Variants in SQLE observed in about 807,000 individuals in gnomAD.
SQLE encodes squalene monooxygenase.
Under a neutral mutation model 60.7 loss-of-function variants are expected in SQLE, and 29 were observed. That is an observed-to-expected ratio of 0.48 (90% CI 0.36 to 0.65). SQLE has a LOEUF of 0.65. Ranked by LOEUF, SQLE falls within the 30% of genes least tolerant of loss-of-function variation. The pLI is 0.00. For missense variants in SQLE, 605 were observed against 684.1 expected (o/e 0.88, Z 1.29); for synonymous variants, 237 against 246.8 (o/e 0.96, Z 0.37).
intron 7 of SQLE, among the ~76,000 whole-genome samples, chr8:125,012,691 G>T (rs1013070991): frequency 6.6e-6 from 1 of 152,106 alleles, no homozygotes; most frequent in Non-Finnish European, 1.5e-5. Context: ...CTACTTTTTG[G>T]TTATTACAAG....
At chr8:124,999,974 A>T (rs1476546171) in intron 1 of SQLE, 1 of 601,176 alleles carries the variant, frequency 1.7e-6, no homozygotes, top group Admixed American at 2.1e-5. Context: ...TTTCATTTTG[A>T]AGGAGAAGAA....
intron 3 of SQLE, among the ~76,000 whole-genome samples, 197 bp from the exon 4 acceptor site, chr8:125,007,184 TTAATGATTAC>T (rs1014376092): frequency 1.1e-4 from 16 of 152,274 alleles, no homozygotes; most frequent in East Asian, 1.9e-4. Flanking sequence ...TTTAAAATAT[TTAATGATTAC>T]TAATGATTAC....
chr8:125,019,582 A>G (rs557076176), intron 9 of SQLE, among the ~76,000 whole-genome samples: 1 of 152,302 alleles, frequency 6.6e-6, no homozygotes, highest in African/African-American at 2.4e-5. Flanking sequence ...TAAAACAAAC[A>G]AACAAAAAAT....
chr8:125,010,728 A>G (rs867789266), intron 6 of SQLE, among the ~76,000 whole-genome samples: 18 of 152,088 alleles, frequency 1.2e-4, no homozygotes, highest in Admixed American at 2.6e-4. Context: ...CCATTACCTG[A>G]TATTTTTAGC....
chr8:125,003,266 A>G lies in SQLE; in HGVS notation c.382A>G (p.Ile128Val). The G allele has an allele frequency of 6.2e-7, 1 of 1,613,982 alleles. No homozygotes were observed. Among genetic ancestry groups the G allele is most frequent in the Non-Finnish European group, 8.5e-7 (1 of 1,179,892 alleles). The change falls in exon 2 of 11, where the codon ATC (isoleucine) becomes GTC (valine). Residue 128 changes from isoleucine to valine, a missense_variant. By Grantham distance (29) the Ile-to-Val change is conservative. Coordinates refer to ENST00000265896, the MANE Select transcript of SQLE (RefSeq NM_003129.4). ...TSSQNDPEVIIVGAGVLGSAL... is the reference protein window; with the variant it reads ...TSSQNDPEVIVVGAGVLGSAL... ...TTCTCAGAATGACCCAGAAGTTATC[A>G]TCGTGGGAGCTGGCGTGCTTGGCTC...
intron 1 of SQLE, 70 bp downstream of exon 1, chr8:124,999,764 G>T: frequency 2.0e-6 from 3 of 1,478,148 alleles, no homozygotes; most frequent in Non-Finnish European, 2.7e-6. Flanking sequence ...TCAAATATAA[G>T]TTTTATTTGA....
At position 125,011,540 on chromosome 8, in the gene SQLE, A is replaced by G. The variant is rs368547177; in HGVS notation, c.1112A>G (p.His371Arg). Residue 371 changes from histidine to arginine, a missense_variant, in exon 7 of 11, where the codon CAC becomes CGC. Transcript: ENST00000265896. ...VEKIYPQIPD[H>R]LKEPFLEATD... ...GGGTTGGTGGGATTTATTGCAGATC[A>G]CCTGAAAGAACCATTCTTAGAAGCC... 3 of 1,576,074 alleles carry G rather than the reference A, an allele frequency of 1.9e-6. No individual in the cohort carries two copies. The African/African-American group carries it at 4.0e-5, about 21-fold the overall frequency.
intron 7 of SQLE, among the ~76,000 whole-genome samples, chr8:125,012,727 C>T (rs1002329500): frequency 6.6e-5 from 10 of 152,116 alleles, no homozygotes; most frequent in Non-Finnish European, 1.3e-4. Flanking sequence ...CATCTGTGTG[C>T]GAGTTTTTGT....
chr8:125,005,850 AAG>A, intron 3 of SQLE, 145 bp downstream of exon 3: 1 of 586,754 alleles, frequency 1.7e-6, no homozygotes, highest in East Asian at 3.4e-5. Context: ...TGTCAGTCAA[AAG>A]AGTGTTAGAT....
At chr8:125,014,331 A>G (rs1815080325) in intron 7 of SQLE, among the ~76,000 whole-genome samples, 1 of 151,996 alleles carries the variant, frequency 6.6e-6, no homozygotes, top group Admixed American at 6.5e-5. Context: ...CTTTTTTCTT[A>G]GTTTGTCTTA....
rs1158809660 is a variant in SQLE, at chr8:125,016,748, T to G, written c.1205-1311T>G. Reference sequence around the variant, plus strand: ...TGGGCTTGTTTGTACCCATCTTTCTTGGGAACGCTTTTGAAGTATTCAAAG... The same window carrying G: ...TGGGCTTGTTTGTACCCATCTTTCTGGGGAACGCTTTTGAAGTATTCAAAG... On this transcript the variant is annotated intron_variant, in intron 7 of 10. Transcript: ENST00000265896. The surrounding 1 kb of genome is among the most constrained non-coding windows in gnomAD (Gnocchi z 4.1). 1.3e-5 allele frequency among the ~76,000 whole-genome samples: 2 copies of G among 152,162 alleles called. No homozygotes were observed. Among genetic ancestry groups the G allele is most frequent in the Non-Finnish European group, 2.9e-5 (2 of 68,028 alleles).
At position 125,005,654 on chromosome 8, in the gene SQLE, A is replaced by G. The variant is rs1184431046; in HGVS notation, c.674A>G (p.His225Arg). 1.9e-6 allele frequency: 3 copies of G among 1,606,864 alleles called. No individual in the cohort carries two copies. Among genetic ancestry groups the G allele is most frequent in the Non-Finnish European group, 2.6e-6 (3 of 1,175,352 alleles). The change falls in exon 3 of 11, where the codon CAT becomes CGT. Residue 225 changes from histidine to arginine, a missense_variant. Transcript: ENST00000265896. ...NNQVQSGRAFHHGRFIMSLRK... is the reference protein window; with the variant it reads ...NNQVQSGRAFRHGRFIMSLRK... ...CAAGTGCAGAGTGGAAGAGCTTTCC[A>G]TCACGGAAGATTCATCATGAGTCTC... is the stretch of plus-strand genomic sequence containing the variant.
At chr8:125,020,981 C>A in intron 10 of SQLE, 110 bp downstream of exon 10, 1 of 739,570 alleles carries the variant, frequency 1.4e-6, no homozygotes, top group Non-Finnish European at 2.3e-6. Context: ...ATTTTATTAT[C>A]TGTTAGTATC....
chr8:125,000,504 C>G (rs988739578), intron 1 of SQLE, among the ~76,000 whole-genome samples: 3 of 152,162 alleles, frequency 2.0e-5, no homozygotes, highest in Admixed American at 1.3e-4. Context: ...AATGCAGTGG[C>G]GTGATCTCGG....
At chr8:125,001,902 A>T (rs1373534613) in intron 1 of SQLE, among the ~76,000 whole-genome samples, 2 of 152,200 alleles carry the variant, frequency 1.3e-5, no homozygotes, top group Non-Finnish European at 2.9e-5. Context: ...TCTGAAATGT[A>T]TTCAAATGTG....
Position 125,022,022 on chromosome 8 carries a change from T to A in SQLE, c.*77T>A. The A allele has an allele frequency of 8.8e-7, 1 of 1,135,942 alleles. No individual in the cohort carries two copies. Among genetic ancestry groups the A allele is most frequent in the Non-Finnish European group, 1.2e-6 (1 of 815,858 alleles). The allele number at this position is 1,135,942 out of a possible 1,614,324, so 70.4% of individuals were successfully genotyped here. A position where few individuals can be genotyped will look rare whatever the true frequency, so the allele number is the denominator to read the frequency against. ...AGAGACTTTTGGAAGAGGATATATATAGCATAGTACCATACCACTTATAAA... is the reference window on the plus strand; with the variant it reads ...AGAGACTTTTGGAAGAGGATATATAAAGCATAGTACCATACCACTTATAAA... On this transcript the variant is annotated 3_prime_UTR_variant, in exon 11 of 11. Transcript: ENST00000265896.
At chr8:125,018,253 G>C in intron 8 of SQLE, 52 bp downstream of exon 8, 3 of 1,589,756 alleles carry the variant, frequency 1.9e-6, no homozygotes, top group Non-Finnish European at 2.6e-6. Flanking sequence ...TATTTCTGGG[G>C]GTTAAGAGCA....
At chr8:125,017,939 TGTATTTTCAC>T (rs1468907310) in intron 7 of SQLE, 110 bp from the exon 8 acceptor site, 3 of 1,191,100 alleles carry the variant, frequency 2.5e-6, no homozygotes, top group Non-Finnish European at 3.5e-6. Context: ...TTTGTTTTCA[TGTATTTTCAC>T]ATTTTTCTTA....
rs570382511 is a variant in SQLE, at chr8:125,016,716, C to T, written c.1205-1343C>T. On this transcript the variant is annotated intron_variant, in intron 7 of 10. Coordinates refer to ENST00000265896, the MANE Select transcript of SQLE (RefSeq NM_003129.4). This position sits in a 1 kb window ranked among gnomAD's most constrained non-coding sequence, Gnocchi z 4.1. ...TGAGTTAGGTATTTATTGTGGTCTT[C>T]GGAGTCTGGGCTTGTTTGTACCCAT... 4.5e-4 allele frequency among the ~76,000 whole-genome samples: 69 copies of T among 152,142 alleles called. No homozygotes were observed. The highest frequency in any genetic ancestry group is 8.4e-4 in the Non-Finnish European group (57 of 68,000).
Sources: gnomAD v4.1 joint callset for allele counts (sites outside exome capture counted in the v4.1 genomes callset) on GRCh38, gnomAD v4.1.1 for gene constraint, Gnocchi (gnomAD v3.1) non-coding constraint, MANE v1.5 for transcripts, NCBI Gene and HGNC (gene_info 2026-07-23, HGNC 2026-07-21) for gene names.